Variants in C5 observed in about 807,000 individuals in gnomAD.
C5 encodes C3 and PZP-like alpha-2-macroglobulin domain-containing protein 4.
In C5, 140 loss-of-function variants were observed where a neutral mutation model predicts 218.8. That is an observed-to-expected ratio of 0.64 (90% CI 0.56 to 0.74). C5 has a LOEUF of 0.74. C5 is among the 30% of genes least tolerant of loss of function. The probability of loss-of-function intolerance (pLI) is 0.00; values close to 1 mark genes in which losing one functional copy is unlikely to be tolerated. For missense variants in C5, 1,700 were observed against 1,969.6 expected (o/e 0.86, Z 2.59); for synonymous variants, 614 against 682.3 (o/e 0.90, Z 1.56).
intron 35 of C5, 47 bp from the exon 36 acceptor site, chr9:120,962,823 T>C: frequency 6.3e-7 from 1 of 1,590,166 alleles, no homozygotes; most frequent in Non-Finnish European, 8.6e-7. Flanking sequence ...AGAGATGATA[T>C]TTATAATCTT....
intron 1 of C5, among the ~76,000 whole-genome samples, chr9:121,047,970 T>C (rs1421965428): frequency 6.6e-6 from 1 of 152,178 alleles, no homozygotes; most frequent in Non-Finnish European, 1.5e-5. Flanking sequence ...TGAGGAACTA[T>C]TACTCCAATT....
Position 121,008,504 on chromosome 9 carries a change from C to CA in C5, c.2258-7dup, listed in dbSNP as rs774327060. On this transcript the variant is annotated splice_polypyrimidine_tract_variant and splice_region_variant and intron_variant, in intron 17 of 40. Coordinates refer to ENST00000223642, the MANE Select transcript of C5 (RefSeq NM_001735.3). ...TGGTAACAGGGTCTTCATGTCTGGA[C>CA]AAAAAAATCATATTCAATTATGGAA... 17 of 1,593,516 alleles carry CA rather than the reference C, an allele frequency of 1.1e-5. No individual in the cohort carries two copies. The highest frequency in any genetic ancestry group is 1.4e-5 in the Non-Finnish European group (16 of 1,161,586).
rs780485799 is a variant in C5 at position 121,006,913 on chromosome 9, A to C, written c.2413T>G (p.Ser805Ala). ...ACTTAAACCTGCTTACCAGTGTTTGAAATGCCAACGCCTTGAATTTCCCAG... is the reference window on the plus strand; with the variant it reads ...ACTTAAACCTGCTTACCAGTGTTTGCAATGCCAACGCCTTGAATTTCCCAG... ...TTWEIQGVGI[S>A]NTGICVADTV... The change falls in exon 19 of 41, where the codon TCA becomes GCA. Residue 805 changes from serine to alanine, a missense_variant. By Grantham distance (99) the Ser-to-Ala change is moderately conservative (BLOSUM62 1). Transcript: ENST00000223642. 12 of 1,606,420 alleles carry C rather than the reference A, an allele frequency of 7.5e-6. No homozygotes were observed. Among genetic ancestry groups the C allele is most frequent in the Non-Finnish European group, 9.4e-6 (11 of 1,173,018 alleles).
chr9:121,050,995 A>T (rs2047667291), upstream of C5, among the ~76,000 whole-genome samples: 1 of 152,210 alleles, frequency 6.6e-6, no homozygotes, highest in Non-Finnish European at 1.5e-5. Context: ...TCTTTTAAAG[A>T]AAACACATGT....
intron 11 of C5, 83 bp downstream of exon 11, chr9:121,021,426 C>T (rs2047364085): frequency 6.4e-6 from 7 of 1,092,764 alleles, no homozygotes; most frequent in South Asian, 5.1e-5. Flanking sequence ...TAAAATCTGC[C>T]GCATCTGTTC....
chr9:121,070,716 G>C, the C5 span, among the ~76,000 whole-genome samples: 1 of 151,712 alleles, frequency 6.6e-6, no homozygotes, highest in Non-Finnish European at 1.5e-5. Flanking sequence ...GGATACTAAA[G>C]GTTGGGAAGG....
At chr9:121,053,537 C>T (rs147363648), upstream of C5, among the ~76,000 whole-genome samples, 1,338 of 152,136 alleles carry the variant, frequency 8.8e-3, 9 homozygotes, top group Middle Eastern at 0.027. Flanking sequence ...CAACTATCCA[C>T]GCAAGACAGC....
At chr9:120,960,649 A>G (rs2046820449) in intron 37 of C5, among the ~76,000 whole-genome samples, 2 of 152,208 alleles carry the variant, frequency 1.3e-5, no homozygotes, top group Non-Finnish European at 2.9e-5. Context: ...TTCTTAAAAT[A>G]TTATGAAATT....
intron 38 of C5, among the ~76,000 whole-genome samples, chr9:120,959,025 T>G (rs759842065): frequency 3.9e-5 from 6 of 151,944 alleles, no homozygotes; most frequent in Non-Finnish European, 8.8e-5. Flanking sequence ...GAGCTCAAAG[T>G]GATCCACCTG....
intron 32 of C5, among the ~76,000 whole-genome samples, chr9:120,969,873 T>C (rs905086338): frequency 6.6e-6 from 1 of 152,244 alleles, no homozygotes; most frequent in Non-Finnish European, 1.5e-5. Flanking sequence ...TAGACCTTAA[T>C]GTGGCTTTAC....
At chr9:121,045,354 A>G (rs2047618266) in intron 2 of C5, among the ~76,000 whole-genome samples, 1 of 152,150 alleles carries the variant, frequency 6.6e-6, no homozygotes, top group Non-Finnish European at 1.5e-5. Flanking sequence ...TTTGATACAA[A>G]GATACTTAAA....
intron 10 of C5, 150 bp from the exon 11 acceptor site, chr9:121,021,844 A>G (rs916538355): frequency 1.4e-6 from 1 of 732,494 alleles, no homozygotes; most frequent in Non-Finnish European, 2.4e-6. Flanking sequence ...GAGACTTACT[A>G]CGTTGCCCAG....
chr9:120,960,425 A>T, intron 37 of C5, 88 bp from the exon 38 acceptor site: 1 of 851,474 alleles, frequency 1.2e-6, no homozygotes, highest in South Asian at 1.3e-5. Context: ...TCATGAGCCC[A>T]GAGACAACCC....
chr9:121,011,110 C>A (rs1287965126), intron 17 of C5, among the ~76,000 whole-genome samples: 1 of 152,078 alleles, frequency 6.6e-6, no homozygotes, highest in Non-Finnish European at 1.5e-5. Flanking sequence ...CACAGACAAC[C>A]AAAGCCAAAA....
At chr9:120,990,418 G>A (rs973986671) in intron 23 of C5, among the ~76,000 whole-genome samples, 2 of 152,184 alleles carry the variant, frequency 1.3e-5, no homozygotes, top group African/African-American at 4.8e-5. Context: ...GCTATGGTTT[G>A]AATGTATATG....
At chr9:120,996,855 C>T (rs1428413717) in intron 21 of C5, among the ~76,000 whole-genome samples, 1 of 151,902 alleles carries the variant, frequency 6.6e-6, no homozygotes, top group African/African-American at 2.4e-5. Flanking sequence ...CCATATGACC[C>T]TTAGCAAGAA....
the C5 span, among the ~76,000 whole-genome samples, chr9:121,063,002 G>A: frequency 1.7e-3 from 257 of 151,932 alleles, 1 homozygote; most frequent in South Asian, 7.7e-3. Context: ...TGAATGTGTG[G>A]ATTAATGTGT....
At chr9:121,063,320 G>T in the C5 span, among the ~76,000 whole-genome samples, 3 of 151,544 alleles carry the variant, frequency 2.0e-5, no homozygotes, top group African/African-American at 7.3e-5. Context: ...TGTCCCTATT[G>T]AATTTTTTAT....
Position 121,031,648 on chromosome 9 carries a change from C to T in C5, c.667+465G>A, listed in dbSNP as rs538252782. Among the ~76,000 whole-genome samples the T allele has an allele frequency of 2.6e-3, 400 of 152,316 alleles. 1 individual carries two copies. The highest frequency in any genetic ancestry group is 9.3e-3 in the African/African-American group (387 of 41,568). On this transcript the variant is annotated intron_variant, in intron 6 of 40. Transcript: ENST00000223642. ...ATCTAGGCATTCAACTACTACTCCTCCCTCCAACCTCTAGCCAGTACTTCT... is the reference window on the plus strand; with the variant it reads ...ATCTAGGCATTCAACTACTACTCCTTCCTCCAACCTCTAGCCAGTACTTCT...
Sources: allele counts gnomAD v4.1 joint callset (sites outside exome capture counted in the v4.1 genomes callset), GRCh38; gene constraint gnomAD v4.1.1; transcripts MANE v1.5; gene names NCBI Gene and HGNC (gene_info 2026-07-23, HGNC 2026-07-21).